The following USP39 variants were observed in gnomAD, a reference collection of about 807,000 sequenced individuals.
The protein encoded by USP39 is ubiquitin carboxyl-terminal hydrolase 39.
USP39 carries 38 observed loss-of-function variants against 66.4 expected under a neutral mutation model. The ratio of observed to expected loss-of-function variants is 0.57; its 90% CI spans 0.44 to 0.75. USP39 has a LOEUF of 0.75. USP39 is among the 30% of genes least tolerant of loss of function. The pLI is 0.00. For missense variants in USP39, 608 were observed against 714.4 expected, an observed-to-expected ratio of 0.85 and a Z score of 1.70; for synonymous variants, 303 against 274.6, an observed-to-expected ratio of 1.10 and a Z score of -1.02.
chr2:85,646,622 C>T (rs1676663530), intron 11 of USP39, among the ~76,000 whole-genome samples: 1 of 152,182 alleles, frequency 6.6e-6, no homozygotes, highest in African/African-American at 2.4e-5. Flanking sequence ...ATATTCTCAA[C>T]TATTGTAATA....
chr2:85,611,552 A>T (rs1044277896), upstream of USP39: 19 of 1,550,948 alleles, frequency 1.2e-5, no homozygotes, highest in Non-Finnish European at 1.3e-5. Flanking sequence ...GAGGTTCCGG[A>T]AAGAGACGAG....
At chr2:85,607,414 AAGG>A (rs1673256870), upstream of USP39, 1 of 152,166 alleles carries the variant, frequency 6.6e-6, no homozygotes, top group Non-Finnish European at 1.5e-5. Flanking sequence ...TCTCCTTTCA[AAGG>A]AGAACTGAGC....
intron 6 of USP39, 144 bp downstream of exon 6, chr2:85,631,090 C>G (rs1313935764): frequency 1.4e-6 from 1 of 736,736 alleles, no homozygotes; most frequent in Non-Finnish European, 2.2e-6. Flanking sequence ...TCTCAGCTCA[C>G]TGCAACCTCC....
rs1676199243 is a variant in USP39, at chr2:85,641,041, A to T, written c.1350A>T (p.Leu450=). The change falls in exon 10 of 13, where the codon CTA becomes CTT. Residue 450 remains leucine (L), a synonymous_variant. Transcript: ENST00000323701. ...RFQLTKLPPY[L]IFCIKRFTKN... ...AGCTTACCAAGTTGCCTCCATATCT[A>T]ATCTTTTGTATCAAGAGATTCACTA... 2 of 1,613,924 alleles carry T rather than the reference A, an allele frequency of 1.2e-6. No homozygotes were observed. Among genetic ancestry groups the T allele is most frequent in the Non-Finnish European group, 1.7e-6 (2 of 1,179,936 alleles).
upstream of USP39, among the ~76,000 whole-genome samples, chr2:85,612,629 C>T (rs1338494660): frequency 6.6e-6 from 1 of 151,978 alleles, no homozygotes; most frequent in East Asian, 1.9e-4. Flanking sequence ...GAGGGACCTA[C>T]GGGTGTATTA....
rs947609149 is a variant in USP39, at chr2:85,649,192, G to A, written c.*384G>A. On this transcript the variant is annotated 3_prime_UTR_variant, in exon 13 of 13. Transcript: ENST00000323701. ...GAGCAAGCAGAAAGCCAGTAACTTC[G>A]CTCTGTTAGAGGTGGAGGATTTTCC... The A allele has an allele frequency of 3.1e-5, 6 of 191,300 alleles. No homozygotes were observed. The highest frequency in any genetic ancestry group is 7.1e-5 in the African/African-American group (3 of 42,228). The allele number at this position is 191,300 out of a possible 1,614,324, so 11.9% of individuals were successfully genotyped here. A position where few individuals can be genotyped will look rare whatever the true frequency, so the allele number is the denominator to read the frequency against.
Position 85,649,020 on chromosome 2 carries a change from G to T in USP39, c.*212G>T. On this transcript the variant is annotated 3_prime_UTR_variant, in exon 13 of 13. Coordinates refer to ENST00000323701, the MANE Select transcript of USP39 (RefSeq NM_006590.4). ...TTCTTTGATCATTTTTTTCTAGATT[G>T]ATGCTCCTTTCTCCCATGCATTGAG... The T allele has an allele frequency of 1.6e-6, 1 of 613,544 alleles. No homozygotes were observed. Among genetic ancestry groups the T allele is most frequent in the Non-Finnish European group, 2.9e-6 (1 of 342,726 alleles). 38.0% of individuals were successfully genotyped at this position (613,544 alleles called of 1,614,324 possible).
At chr2:85,622,005 A>G (rs750264085) in intron 3 of USP39, among the ~76,000 whole-genome samples, 1 of 151,938 alleles carries the variant, frequency 6.6e-6, no homozygotes, top group Non-Finnish European at 1.5e-5. Flanking sequence ...TTTTTAGTAG[A>G]AACGGGGTTT....
rs1448980199 is a variant in USP39, at chr2:85,649,194, T to C, written c.*386T>C. 1 of 192,086 alleles carries C rather than the reference T, an allele frequency of 5.2e-6. No homozygotes were observed. Among genetic ancestry groups the C allele is most frequent in the Non-Finnish European group, 1.1e-5 (1 of 94,790 alleles). 11.9% of individuals were successfully genotyped at this position (192,086 alleles called of 1,614,324 possible). A position where few individuals can be genotyped will look rare whatever the true frequency, so the allele number is the denominator to read the frequency against. Reference sequence around the variant, plus strand: ...GCAAGCAGAAAGCCAGTAACTTCGCTCTGTTAGAGGTGGAGGATTTTCCTA... The same window carrying C: ...GCAAGCAGAAAGCCAGTAACTTCGCCCTGTTAGAGGTGGAGGATTTTCCTA... On this transcript the variant is annotated 3_prime_UTR_variant, in exon 13 of 13. Coordinates refer to ENST00000323701, the MANE Select transcript of USP39 (RefSeq NM_006590.4).
upstream of USP39, among the ~76,000 whole-genome samples, chr2:85,613,962 C>G (rs949574072): frequency 6.6e-6 from 1 of 151,206 alleles, no homozygotes; most frequent in Non-Finnish European, 1.5e-5. Flanking sequence ...TGGGGGGGGT[C>G]TCTCTATGTT....
intron 2 of USP39, among the ~76,000 whole-genome samples, chr2:85,621,021 G>A (rs960108699): frequency 2.0e-5 from 3 of 152,018 alleles, no homozygotes; most frequent in Admixed American, 6.6e-5. Context: ...TTTAAGAGAG[G>A]ATCCCACTCT....
chr2:85,627,447 A>T (rs1674959656), intron 5 of USP39, among the ~76,000 whole-genome samples: 1 of 152,076 alleles, frequency 6.6e-6, no homozygotes, highest in African/African-American at 2.4e-5. Context: ...TACTTCACCA[A>T]GAAAATGATT....
chr2:85,632,538 C>G (rs1675435294), intron 6 of USP39, among the ~76,000 whole-genome samples: 1 of 149,410 alleles, frequency 6.7e-6, no homozygotes, highest in South Asian at 2.1e-4. Context: ...ACCTCCGCCT[C>G]CTGGGTTCAG....
intron 9 of USP39, chr2:85,639,789 T>C (rs1676090071): frequency 6.4e-6 from 1 of 157,042 alleles, no homozygotes; most frequent in Admixed American, 6.3e-5. Context: ...GTATGTGACG[T>C]ATTTATTATA....
At chr2:85,619,585 G>A (rs1674290518) in intron 2 of USP39, among the ~76,000 whole-genome samples, 1 of 149,466 alleles carries the variant, frequency 6.7e-6, no homozygotes, top group African/African-American at 2.5e-5. Flanking sequence ...ATACTATTTT[G>A]GGTGCCTGGG....
At chr2:85,646,381 T>TA (rs1229436918) in intron 11 of USP39, among the ~76,000 whole-genome samples, 1 of 152,262 alleles carries the variant, frequency 6.6e-6, no homozygotes, top group African/African-American at 2.4e-5. Context: ...GCCAGTTACT[T>TA]AATGTACATT....
chr2:85,614,934 C>T (rs930463294), upstream of USP39, among the ~76,000 whole-genome samples: 2 of 152,014 alleles, frequency 1.3e-5, no homozygotes, highest in African/African-American at 2.4e-5. Flanking sequence ...CTGGTTGAAA[C>T]GCCTCTGACA....
At chr2:85,618,068 C>T (rs866539878) in intron 1 of USP39, among the ~76,000 whole-genome samples, 5 of 151,978 alleles carry the variant, frequency 3.3e-5, no homozygotes, top group African/African-American at 4.8e-5. Flanking sequence ...ATTCTCCTGT[C>T]TCAGCCTCCC....
Position 85,643,659 on chromosome 2 carries a change from T to A in USP39, c.1428-1289T>A, listed in dbSNP as rs570834260. Among the ~76,000 whole-genome samples the A allele has an allele frequency of 5.3e-5, 8 of 151,452 alleles. No homozygotes were observed. The South Asian group carries it at 1.7e-3, about 32-fold the overall frequency. ...AGGACTCATATCTCCTTTTTTTTTT[T>A]TTTTTGGAGATGGAGTCTCGCTCTG... On this transcript the variant is annotated intron_variant, in intron 10 of 12. Coordinates refer to ENST00000323701, the MANE Select transcript of USP39 (RefSeq NM_006590.4).
Sources: allele counts gnomAD v4.1 joint callset (sites outside exome capture counted in the v4.1 genomes callset), GRCh38; gene constraint gnomAD v4.1.1; transcripts MANE v1.5; gene names NCBI Gene and HGNC (gene_info 2026-07-23, HGNC 2026-07-21).